Variants in TRIO observed in about 807,000 individuals in gnomAD.
TRIO encodes the protein triple functional domain protein.
In TRIO, 58 loss-of-function variants were observed where a neutral mutation model predicts 351.9. The ratio of observed to expected loss-of-function variants is 0.16; its 90% CI spans 0.13 to 0.21. TRIO has a LOEUF of 0.21. Among genes scored for constraint, TRIO ranks in the 10% least tolerant of loss-of-function variants. The pLI is 1.00. For synonymous variants in TRIO, 1,758 were observed against 1,595.7 expected (o/e 1.10, Z -2.42); for missense variants, 3,201 against 4,027.8 (o/e 0.79, Z 5.56).
At chr5:14,390,416 C>A in intron 26 of TRIO, 116 bp downstream of exon 26, 3 of 944,868 alleles carry the variant, frequency 3.2e-6, no homozygotes, top group African/African-American at 1.7e-5. Flanking sequence ...TCCATGCTTG[C>A]GGAGAAATAG....
intron 1 of TRIO, among the ~76,000 whole-genome samples, chr5:14,179,375 A>G (rs1003152903): frequency 1.3e-5 from 2 of 152,254 alleles, no homozygotes; most frequent in African/African-American, 4.8e-5. Context: ...ATTTTAAAAT[A>G]AAAATGTATT....
At chr5:14,244,737 C>T (rs1236620727) in intron 1 of TRIO, among the ~76,000 whole-genome samples, 1 of 152,240 alleles carries the variant, frequency 6.6e-6, no homozygotes, top group Non-Finnish European at 1.5e-5. Context: ...CCTGGGAACT[C>T]CACGTTCCAC....
rs142345203 is a variant in TRIO, at chr5:14,387,986, C to G, written c.3881+139C>G. 4.3e-3 allele frequency: 3,453 copies of G among 804,232 alleles called. 18 individuals are homozygous for G. The highest frequency in any genetic ancestry group is 5.8e-3 in the Non-Finnish European group (2,890 of 497,944). The allele number at this position is 804,232 out of a possible 1,614,324, so 49.8% of individuals were successfully genotyped here. ...TTGCTCTGGGTGGACTTAGTTGTGTCAGCACAGACTTCGCTGCGTTCACTG... is the reference window on the plus strand; with the variant it reads ...TTGCTCTGGGTGGACTTAGTTGTGTGAGCACAGACTTCGCTGCGTTCACTG... On this transcript the variant is annotated intron_variant, in intron 23 of 56. Coordinates refer to ENST00000344204, the MANE Select transcript of TRIO (RefSeq NM_007118.4).
chr5:14,190,367 GAAAA>G (rs2152147928), intron 1 of TRIO, among the ~76,000 whole-genome samples: 1 of 152,208 alleles, frequency 6.6e-6, no homozygotes, highest in African/African-American at 2.4e-5. Context: ...AAAAAGAAAA[GAAAA>G]AATCCAGAAA....
At chr5:14,299,893 C>A (rs891163154) in intron 7 of TRIO, among the ~76,000 whole-genome samples, 8 of 152,234 alleles carry the variant, frequency 5.3e-5, no homozygotes, top group Middle Eastern at 3.2e-3. Context: ...GCTGCACCGT[C>A]CGGCCCTGCC....
In TRIO at chr5:14,497,912, TTC is replaced by T. The variant is rs1301492286; in HGVS notation, c.8047+40_8047+41del. ...CTTTTTCTTCTAGTCCTAGAGATGA[TTC>T]TAGACCTGTGGGGCATGTTTCAGAG... On this transcript the variant is annotated intron_variant, in intron 51 of 56. Coordinates refer to ENST00000344204, the MANE Select transcript of TRIO (RefSeq NM_007118.4). The surrounding 1 kb of genome is among the most constrained non-coding windows in gnomAD (Gnocchi z 4.4). 1.2e-6 allele frequency: 2 copies of T among 1,613,868 alleles called. No homozygotes were observed. The highest frequency in any genetic ancestry group is 2.7e-5 in the African/African-American group (2 of 74,930).
chr5:14,421,402 G>A (rs1750144020), intron 34 of TRIO, among the ~76,000 whole-genome samples: 1 of 151,402 alleles, frequency 6.6e-6, no homozygotes, highest in Non-Finnish European at 1.5e-5. Context: ...TCAAAAGTTC[G>A]GACCAGCCTG....
chr5:14,420,255 A>C (rs1750008468), intron 34 of TRIO: 1 of 580,942 alleles, frequency 1.7e-6, no homozygotes, highest in South Asian at 2.0e-5. Context: ...AGGGCGGTGT[A>C]GTGAGATATG....
In TRIO at chr5:14,413,174, T is replaced by TTGTA. The variant is rs536812388; in HGVS notation, c.4959+6504_4959+6507dup. On this transcript the variant is annotated intron_variant, in intron 33 of 56. Coordinates refer to ENST00000344204, the MANE Select transcript of TRIO (RefSeq NM_007118.4). The stretch of plus-strand genomic sequence containing the variant: ...GGGCTACAGTGGATTTAGCTGTTGA[T>TTGTA]TGTATTGTACTTGTTAGGATCTGGA... Among the ~76,000 whole-genome samples the TTGTA allele has an allele frequency of 1.3e-3, 199 of 152,322 alleles. 1 individual carries two copies. The highest frequency in any genetic ancestry group is 3.4e-3 in the Middle Eastern group (1 of 294).
intron 1 of TRIO, among the ~76,000 whole-genome samples, chr5:14,148,383 T>G (rs1285410227): frequency 2.6e-5 from 4 of 152,240 alleles, no homozygotes; most frequent in African/African-American, 9.7e-5. Context: ...ATTCAATATT[T>G]ACTTTGTTTA....
chr5:14,437,683 A>ACC (rs976372019), intron 34 of TRIO, among the ~76,000 whole-genome samples: 22 of 108,318 alleles, frequency 2.0e-4, no homozygotes, highest in African/African-American at 6.3e-4. Context: ...TTGGATGAGG[A>ACC]CCACCCCCCC....
At chr5:14,262,338 T>A (rs1322420036) in intron 1 of TRIO, among the ~76,000 whole-genome samples, 1 of 151,316 alleles carries the variant, frequency 6.6e-6, no homozygotes, top group East Asian at 1.9e-4. Flanking sequence ...GGGGAAGGCA[T>A]GTGTATGGAG....
At chr5:14,273,228 C>G (rs1735190765) in intron 2 of TRIO, among the ~76,000 whole-genome samples, 1 of 152,158 alleles carries the variant, frequency 6.6e-6, no homozygotes, top group Non-Finnish European at 1.5e-5. Context: ...AATAAAATGG[C>G]AGGAGCTTTG....
At chr5:14,299,497 C>G (rs190836651) in intron 7 of TRIO, among the ~76,000 whole-genome samples, 1 of 152,308 alleles carries the variant, frequency 6.6e-6, no homozygotes, top group East Asian at 1.9e-4. Context: ...TTCAGAAAGA[C>G]AGTCCTTACT....
chr5:14,479,813 G>C, intron 42 of TRIO, 106 bp from the exon 43 acceptor site: 1 of 1,004,800 alleles, frequency 1.0e-6, no homozygotes, highest in Non-Finnish European at 1.5e-6. Flanking sequence ...TTTTTTCCTC[G>C]TTACTTTTAC....
chr5:14,243,442 A>G (rs1048023325), intron 1 of TRIO, among the ~76,000 whole-genome samples: 5 of 151,914 alleles, frequency 3.3e-5, no homozygotes, highest in Non-Finnish European at 7.4e-5. Context: ...CTTTATGTCT[A>G]TGGTACTTAA....
chr5:14,295,102 A>T (rs1039122462), intron 6 of TRIO, among the ~76,000 whole-genome samples: 3 of 152,168 alleles, frequency 2.0e-5, no homozygotes, highest in African/African-American at 7.2e-5. Flanking sequence ...AATCCCTTGT[A>T]TCTGTGGCAT....
At chr5:14,430,508 C>T (rs10058232) in intron 34 of TRIO, among the ~76,000 whole-genome samples, 57 of 152,202 alleles carry the variant, frequency 3.7e-4, no homozygotes, top group African/African-American at 1.3e-3. Flanking sequence ...CATGGTGCCC[C>T]ATACGCCTTC....
intron 40 of TRIO, among the ~76,000 whole-genome samples, chr5:14,476,062 C>T (rs1480565711): frequency 6.6e-6 from 1 of 152,146 alleles, no homozygotes; most frequent in Non-Finnish European, 1.5e-5. Flanking sequence ...TGTTTATAAC[C>T]TAGAAGTTGA....
Sources: gnomAD v4.1 joint callset for allele counts (sites outside exome capture counted in the v4.1 genomes callset) on GRCh38, gnomAD v4.1.1 for gene constraint, Gnocchi (gnomAD v3.1) non-coding constraint, MANE v1.5 for transcripts, NCBI Gene and HGNC (gene_info 2026-07-23, HGNC 2026-07-21) for gene names.